The following CARMIL1 variants were observed in gnomAD, a reference collection of about 807,000 sequenced individuals.
CARMIL1 encodes F-actin-uncapping protein LRRC16A.
A neutral mutation model predicts 177.1 loss-of-function variants in CARMIL1; 90 were observed. The ratio of observed to expected loss-of-function variants is 0.51; its 90% CI spans 0.43 to 0.61. The LOEUF (loss-of-function observed/expected upper bound fraction) is 0.61. Ranked by LOEUF, CARMIL1 falls within the 20% of genes least tolerant of loss-of-function variation. The pLI is 0.00. For synonymous variants in CARMIL1, 577 were observed against 606.2 expected (o/e 0.95, Z 0.71); for missense variants, 1,380 against 1,667.0 (o/e 0.83, Z 3.00).
intron 2 of CARMIL1, among the ~76,000 whole-genome samples, chr6:25,380,590 A>C (rs79695080): frequency 0.12 from 18,619 of 152,224 alleles, 1,162 homozygotes; most frequent in Middle Eastern, 0.16. Context: ...ACTAAAAAAA[A>C]CTTATACCTC....
In CARMIL1 at chr6:25,521,231, G is replaced by A. The variant is rs558335915; in HGVS notation, c.1968+894G>A. Among the ~76,000 whole-genome samples the A allele has an allele frequency of 5.9e-4, 90 of 152,118 alleles. 1 individual carries two copies. The highest frequency in any genetic ancestry group is 1.8e-4 in the Non-Finnish European group (12 of 68,034). On this transcript the variant is annotated intron_variant, in intron 23 of 36. Coordinates refer to ENST00000329474, the MANE Select transcript of CARMIL1 (RefSeq NM_017640.6). ...TTTTATGCTTCACAAGGCCTGCATC[G>A]TACAGCCGAGTTGTACATATTCAGC...
chr6:25,436,500 C>T (rs1488382954), intron 5 of CARMIL1, among the ~76,000 whole-genome samples: 2 of 152,184 alleles, frequency 1.3e-5, no homozygotes, highest in Non-Finnish European at 2.9e-5. Flanking sequence ...GCTCCTCCTG[C>T]AATGCCTTGC....
At chr6:25,290,985 T>C (rs1364360002) in intron 2 of CARMIL1, among the ~76,000 whole-genome samples, 1 of 152,126 alleles carries the variant, frequency 6.6e-6, no homozygotes, top group Non-Finnish European at 1.5e-5. Flanking sequence ...TTTTTATTAA[T>C]TAATTTTTTT....
chr6:25,476,783 G>T (rs553876795), intron 11 of CARMIL1, among the ~76,000 whole-genome samples: 1 of 152,060 alleles, frequency 6.6e-6, no homozygotes, highest in African/African-American at 2.4e-5. Context: ...ACTATTATTT[G>T]TAAGGAAGCT....
At chr6:25,451,991 C>CCT in intron 8 of CARMIL1, 7 of 62,286 alleles carry the variant, frequency 1.1e-4, no homozygotes, top group South Asian at 6.7e-4. Context: ...ATCTTGCCCC[C>CCT]CCCTCCCCCC....
intron 2 of CARMIL1, among the ~76,000 whole-genome samples, chr6:25,389,669 A>T (rs375888072): frequency 1.3e-5 from 2 of 152,242 alleles, no homozygotes; most frequent in East Asian, 1.9e-4. Flanking sequence ...AAAAGCAATG[A>T]GTTGTTTCTG....
intron 2 of CARMIL1, among the ~76,000 whole-genome samples, chr6:25,333,955 A>G (rs1785955098): frequency 6.6e-6 from 1 of 152,228 alleles, no homozygotes; most frequent in Non-Finnish European, 1.5e-5. Context: ...CACACCAATG[A>G]TAAGTTTCAT....
Position 25,472,528 on chromosome 6 carries a change from C to T in CARMIL1, c.874+7C>T. On this transcript the variant is annotated splice_region_variant and intron_variant, in intron 11 of 36. Coordinates refer to ENST00000329474, the MANE Select transcript of CARMIL1 (RefSeq NM_017640.6). ...AACCCACTGGAGGATAGAGGTACTG[C>T]AGAGTTCTCATTATCATTGATGCCA... 6.4e-7 allele frequency: 1 copy of T among 1,556,936 alleles called. No homozygotes were observed. Among genetic ancestry groups the T allele is most frequent in the Non-Finnish European group, 8.7e-7 (1 of 1,146,684 alleles).
At position 25,599,342 on chromosome 6, in the gene CARMIL1, T is replaced by A. The variant is rs1312977243; in HGVS notation, c.3120-972T>A. On this transcript the variant is annotated intron_variant, in intron 32 of 36. Coordinates refer to ENST00000329474, the MANE Select transcript of CARMIL1 (RefSeq NM_017640.6). ...CAATTTTCACACATAACTAGTGTAT[T>A]TTGGCTTCCAAATTTTATTGTTTTT... 4.6e-5 allele frequency among the ~76,000 whole-genome samples: 7 copies of A among 152,356 alleles called. No individual in the cohort carries two copies. The East Asian group carries it at 1.2e-3, about 25-fold the overall frequency.
intron 2 of CARMIL1, among the ~76,000 whole-genome samples, chr6:25,313,639 A>G (rs538682430): frequency 2.9e-4 from 43 of 148,900 alleles, no homozygotes; most frequent in African/African-American, 8.4e-4. Flanking sequence ...CCTTGTATAC[A>G]TTAATAGTGC....
chr6:25,434,540 T>TA (rs1371434199), intron 4 of CARMIL1, among the ~76,000 whole-genome samples: 3 of 149,780 alleles, frequency 2.0e-5, no homozygotes, highest in African/African-American at 7.4e-5. Context: ...TTTTTTTTTT[T>TA]TTTAGACGGA....
At chr6:25,335,453 A>G (rs1297875161) in intron 2 of CARMIL1, among the ~76,000 whole-genome samples, 1 of 152,220 alleles carries the variant, frequency 6.6e-6, no homozygotes, top group Admixed American at 6.5e-5. Context: ...TTTTGATGCA[A>G]TGTATATTTA....
At chr6:25,477,079 T>C (rs113147878) in intron 11 of CARMIL1, among the ~76,000 whole-genome samples, 13,346 of 146,090 alleles carry the variant, frequency 0.091, 682 homozygotes, top group South Asian at 0.13. Flanking sequence ...CTGAGAGAAA[T>C]TCCGTCTCAA....
At chr6:25,450,255 A>G in intron 6 of CARMIL1, 84 bp from the exon 7 acceptor site, 1 of 942,176 alleles carries the variant, frequency 1.1e-6, no homozygotes. Context: ...AGCATTGTCA[A>G]CATCGGCCAT....
chr6:25,500,955 G>T (rs887068958), intron 17 of CARMIL1, among the ~76,000 whole-genome samples: 3 of 151,600 alleles, frequency 2.0e-5, no homozygotes, highest in East Asian at 1.9e-4. Flanking sequence ...GTAGAGACGG[G>T]GTTTCACTGT....
chr6:25,332,581 G>T (rs544806937), intron 2 of CARMIL1, among the ~76,000 whole-genome samples: 1 of 152,160 alleles, frequency 6.6e-6, no homozygotes, highest in East Asian at 1.9e-4. Context: ...TGAAACTGAG[G>T]GACATGTTGA....
chr6:25,451,986 GCCCCC>G, intron 8 of CARMIL1: 1 of 112,672 alleles, frequency 8.9e-6, no homozygotes, highest in Admixed American at 1.1e-4. Context: ...CTAGCATCTT[GCCCCC>G]CCCTCCCCCC....
chr6:25,519,570 C>T (rs1214146097), intron 22 of CARMIL1, among the ~76,000 whole-genome samples: 2 of 152,210 alleles, frequency 1.3e-5, no homozygotes, highest in African/African-American at 4.8e-5. Context: ...TCAACAGTTG[C>T]TTCATTTGGT....
In CARMIL1 at chr6:25,422,665, A is replaced by C. The variant is rs996621991; in HGVS notation, c.189+2501A>C. Among the ~76,000 whole-genome samples, 33 of 152,206 alleles carry C rather than the reference A, an allele frequency of 2.2e-4. 1 individual carries two copies. The highest frequency in any genetic ancestry group is 2.0e-3 in the Admixed American group (31 of 15,266). On this transcript the variant is annotated intron_variant, in intron 3 of 36. Transcript: ENST00000329474. ...GGCATGATATGAGGACTTTAATTAG[A>C]CATTATCCCACTGGTAAGATATTAA...
Sources: allele counts gnomAD v4.1 joint callset (sites outside exome capture counted in the v4.1 genomes callset), GRCh38; gene constraint gnomAD v4.1.1; transcripts MANE v1.5; gene names NCBI Gene and HGNC (gene_info 2026-07-23, HGNC 2026-07-21).